The following MAF variants were observed in gnomAD, a reference collection of about 807,000 sequenced individuals.
MAF encodes MAF bZIP transcription factor, also known as transcription factor Maf.
In MAF, 10 loss-of-function variants were observed where a neutral mutation model predicts 22.0. The observed-to-expected ratio is 0.45, with a 90% CI of 0.28 to 0.77. The LOEUF (loss-of-function observed/expected upper bound fraction) is 0.77, where lower values mean the gene tolerates loss of function less well. Ranked by LOEUF, MAF falls within the 30% of genes least tolerant of loss-of-function variation. MAF has a pLI of 0.12. For missense variants in MAF, 544 were observed against 548.4 expected (o/e 0.99, Z 0.08); for synonymous variants, 337 against 255.8 (o/e 1.32, Z -3.03).
At chr16:79,580,988 A>G (rs1022185907), downstream of MAF, among the ~76,000 whole-genome samples, 7 of 152,146 alleles carry the variant, frequency 4.6e-5, no homozygotes, top group Non-Finnish European at 1.0e-4. Flanking sequence ...ACACGGGTAA[A>G]GGAATTTCTG....
the MAF span, among the ~76,000 whole-genome samples, chr16:79,565,509 G>C: frequency 3.3e-4 from 50 of 152,096 alleles, no homozygotes; most frequent in Admixed American, 1.2e-3. Context: ...CGTGTTGTGG[G>C]GGGGGGGACC....
chr16:79,344,605 A>G, the MAF span, among the ~76,000 whole-genome samples: 1 of 152,158 alleles, frequency 6.6e-6, no homozygotes, highest in Non-Finnish European at 1.5e-5. Flanking sequence ...AGGCTCTTGG[A>G]AACTGTCTAT....
At chr16:79,477,786 G>A in the MAF span, among the ~76,000 whole-genome samples, 9 of 151,988 alleles carry the variant, frequency 5.9e-5, no homozygotes, top group Non-Finnish European at 1.3e-4. Context: ...GTGCAGTGGT[G>A]TGATCTTGGC....
chr16:79,496,776 G>A, the MAF span, among the ~76,000 whole-genome samples: 1 of 152,182 alleles, frequency 6.6e-6, no homozygotes, highest in African/African-American at 2.4e-5. Flanking sequence ...AGCTGAGCTT[G>A]CCCATGATAT....
chr16:79,386,779 G>A, the MAF span, among the ~76,000 whole-genome samples: 14 of 152,092 alleles, frequency 9.2e-5, no homozygotes, highest in Admixed American at 2.6e-4. Context: ...GAGATCCAAT[G>A]GACAAGCCAC....
At chr16:79,308,272 T>G in the MAF span, among the ~76,000 whole-genome samples, 1 of 152,312 alleles carries the variant, frequency 6.6e-6, no homozygotes, top group South Asian at 2.1e-4. Flanking sequence ...GGGACTTTGG[T>G]CACTAAGGCC....
At chr16:79,508,240 C>T in the MAF span, among the ~76,000 whole-genome samples, 2 of 152,158 alleles carry the variant, frequency 1.3e-5, no homozygotes, top group African/African-American at 2.4e-5. Flanking sequence ...AGGGAGGCCG[C>T]GTGGTGTCTG....
chr16:79,499,941 G>A, the MAF span, among the ~76,000 whole-genome samples: 1 of 152,156 alleles, frequency 6.6e-6, no homozygotes, highest in Non-Finnish European at 1.5e-5. Flanking sequence ...GACCATAAAT[G>A]CAGTCATATC....
the MAF span, among the ~76,000 whole-genome samples, chr16:79,283,285 C>T: frequency 0.92 from 139,574 of 152,296 alleles, 63,995 homozygotes; most frequent in East Asian, 1. Flanking sequence ...TAGAAAAGCA[C>T]GCCATGTTAC....
chr16:79,571,981 T>C, the MAF span, among the ~76,000 whole-genome samples: 1 of 152,166 alleles, frequency 6.6e-6, no homozygotes, highest in Non-Finnish European at 1.5e-5. Context: ...TTCCTTCTCC[T>C]AAGAAAAGAC....
chr16:79,336,598 T>C, the MAF span, among the ~76,000 whole-genome samples: 7 of 152,230 alleles, frequency 4.6e-5, no homozygotes, highest in African/African-American at 7.2e-5. Flanking sequence ...TGTCCTATCA[T>C]TTAACCATTC....
the MAF span, among the ~76,000 whole-genome samples, chr16:79,340,849 G>A: frequency 2.0e-5 from 3 of 152,038 alleles, no homozygotes; most frequent in Non-Finnish European, 4.4e-5. Context: ...ATCTTCCATT[G>A]GGAACTACTA....
the MAF span, among the ~76,000 whole-genome samples, chr16:79,451,189 T>G: frequency 2.0e-5 from 3 of 152,236 alleles, no homozygotes; most frequent in African/African-American, 7.2e-5. Context: ...CAGTTAAAAC[T>G]AACATGTAGT....
the MAF span, among the ~76,000 whole-genome samples, chr16:79,492,977 G>A: frequency 6.7e-6 from 1 of 150,244 alleles, no homozygotes; most frequent in African/African-American, 2.5e-5. Flanking sequence ...TTTTTTTTTG[G>A]AGGTAGAGAC....
At chr16:79,398,705 C>CG in the MAF span, among the ~76,000 whole-genome samples, 1 of 151,944 alleles carries the variant, frequency 6.6e-6, no homozygotes, top group Admixed American at 6.6e-5. Flanking sequence ...ACTTGACCTC[C>CG]CCATCCATAA....
the MAF span, among the ~76,000 whole-genome samples, chr16:79,318,218 A>G: frequency 2.0e-5 from 3 of 152,248 alleles, no homozygotes; most frequent in Non-Finnish European, 4.4e-5. Context: ...TCTTAATTCA[A>G]GATGATCCAC....
At chr16:79,215,176 T>C in the MAF span, among the ~76,000 whole-genome samples, 1 of 152,228 alleles carries the variant, frequency 6.6e-6, no homozygotes, top group East Asian at 1.9e-4. Context: ...TTCAAGGTCA[T>C]GCAGATTGCC....
chr16:79,511,731 G>A, the MAF span, among the ~76,000 whole-genome samples: 1 of 152,166 alleles, frequency 6.6e-6, no homozygotes, highest in Non-Finnish European at 1.5e-5. Flanking sequence ...CTGTGAGATA[G>A]GTGAGTCCCA....
At chr16:79,458,437 T>A in the MAF span, among the ~76,000 whole-genome samples, 1 of 152,002 alleles carries the variant, frequency 6.6e-6, no homozygotes, top group African/African-American at 2.4e-5. Flanking sequence ...TCATGAGGAG[T>A]CATTTTTATA....
Sources: allele counts gnomAD v4.1 joint callset (sites outside exome capture counted in the v4.1 genomes callset), GRCh38; gene constraint gnomAD v4.1.1; transcripts MANE v1.5; gene names NCBI Gene and HGNC (gene_info 2026-07-23, HGNC 2026-07-21).